DHRS2: variants seen among roughly 807,000 people sequenced by gnomAD.
The protein encoded by DHRS2 is dehydrogenase/reductase 2.
DHRS2 carries 29 observed loss-of-function variants against 26.3 expected under a neutral mutation model. The ratio of observed to expected loss-of-function variants is 1.10; its 90% CI spans 0.82 to 1.50. The LOEUF is 1.50. DHRS2 is among the 40% of genes most tolerant of loss of function. DHRS2 has a pLI of 0.00. For missense variants in DHRS2, 439 were observed against 367.1 expected (o/e 1.20, Z -1.60); for synonymous variants, 164 against 151.3 (o/e 1.08, Z -0.62).
At position 23,645,354 on chromosome 14, in the gene DHRS2, C is replaced by T. The variant is rs758422426; in HGVS notation, c.*101C>T. On this transcript the variant is annotated 3_prime_UTR_variant, in exon 9 of 9. Coordinates refer to ENST00000250383, the MANE Select transcript of DHRS2 (RefSeq NM_005794.4). Reference sequence around the variant, plus strand: ...CTGGAGGCAGAGTCTGCCATTCTGCCAGACTAGCAATTTGGGGGCTTACTC... The same window carrying T: ...CTGGAGGCAGAGTCTGCCATTCTGCTAGACTAGCAATTTGGGGGCTTACTC... 40 of 1,596,834 alleles carry T rather than the reference C, an allele frequency of 2.5e-5. No individual in the cohort carries two copies. In the South Asian group the frequency reaches 3.9e-4, roughly 15 times the overall value.
intron 4 of DHRS2, chr14:23,640,878 G>A (rs935020505): frequency 6.6e-6 from 1 of 152,278 alleles, no homozygotes; most frequent in African/African-American, 2.4e-5. Flanking sequence ...AGGATCATTT[G>A]TGATTTTATA....
intron 1 of DHRS2, among the ~76,000 whole-genome samples, chr14:23,637,391 C>T (rs924972106): frequency 6.6e-6 from 1 of 152,218 alleles, no homozygotes; most frequent in Non-Finnish European, 1.5e-5. Context: ...ATTTTAGAAT[C>T]CCTCCTCAGA....
chr14:23,637,044 G>A (rs752167956), intron 1 of DHRS2, among the ~76,000 whole-genome samples: 5 of 152,106 alleles, frequency 3.3e-5, no homozygotes, highest in East Asian at 3.9e-4. Context: ...ATTCAGCTCC[G>A]GAGTCCCCAC....
At chr14:23,638,762 G>T in intron 1 of DHRS2, 65 bp from the exon 2 acceptor site, 1 of 1,485,628 alleles carries the variant, frequency 6.7e-7, no homozygotes, top group Non-Finnish European at 9.1e-7. Flanking sequence ...GAGGAAGGAG[G>T]AGGGTAGATT....
At chr14:23,643,510 G>T (rs187568715) in intron 5 of DHRS2, 37 of 412,496 alleles carry the variant, frequency 9.0e-5, no homozygotes, top group Non-Finnish European at 1.2e-4. Context: ...GCTGGTCATT[G>T]TCACCTTACC....
At chr14:23,641,914 G>T in intron 4 of DHRS2, 1 of 1,195,632 alleles carries the variant, frequency 8.4e-7, no homozygotes, top group Non-Finnish European at 1.1e-6. Context: ...CCTGAATCAG[G>T]ACAGATCCCT....
At chr14:23,643,722 A>G in intron 5 of DHRS2, 1 of 298,634 alleles carries the variant, frequency 3.3e-6, no homozygotes, top group Admixed American at 4.3e-5. Context: ...CAGTAGAAGG[A>G]AAGTTCCTGA....
At position 23,645,533 on chromosome 14, in the gene DHRS2, A is replaced by G; in HGVS notation, c.*280A>G. The G allele has an allele frequency of 1.9e-6, 1 of 537,936 alleles. No homozygotes were observed. Among genetic ancestry groups the G allele is most frequent in the East Asian group, 3.1e-5 (1 of 32,130 alleles). The allele number at this position is 537,936 out of a possible 1,614,324, so 33.3% of individuals were successfully genotyped here. On this transcript the variant is annotated 3_prime_UTR_variant, in exon 9 of 9. Transcript: ENST00000250383. ...GAGCTGGTGCTTTGGAGGAATCTTA[A>G]GGGAAAGGAGTAGAAGCTCAGGCCT...
chr14:23,631,945 G>C (rs1283582344), upstream of DHRS2, among the ~76,000 whole-genome samples: 1 of 152,226 alleles, frequency 6.6e-6, no homozygotes, highest in Non-Finnish European at 1.5e-5. Context: ...TTGTTTACCT[G>C]CAACAGTCCA....
At chr14:23,637,420 G>A (rs1890374537) in intron 1 of DHRS2, among the ~76,000 whole-genome samples, 1 of 152,104 alleles carries the variant, frequency 6.6e-6, no homozygotes. Flanking sequence ...TCTAACAAAA[G>A]CTATTCCTGA....
chr14:23,637,660 G>A (rs528306759), intron 1 of DHRS2, among the ~76,000 whole-genome samples: 2 of 152,128 alleles, frequency 1.3e-5, no homozygotes, highest in East Asian at 1.9e-4. Flanking sequence ...CACTAAATCC[G>A]ATTTTTCTCG....
At chr14:23,640,339 A>G in intron 4 of DHRS2, 1 of 985,474 alleles carries the variant, frequency 1.0e-6, no homozygotes, top group Non-Finnish European at 1.2e-6. Flanking sequence ...TGTCTCTCCT[A>G]GAAGGGGGCT....
chr14:23,644,914 G>A (rs367704556), intron 8 of DHRS2, 32 bp downstream of exon 8: 2 of 1,611,918 alleles, frequency 1.2e-6, no homozygotes, highest in Non-Finnish European at 1.7e-6. Context: ...GGTGGTCCAT[G>A]TGTGGCTAGG....
intron 3 of DHRS2, 25 bp downstream of exon 3, chr14:23,639,381 C>G: frequency 6.5e-7 from 1 of 1,548,942 alleles, no homozygotes; most frequent in Non-Finnish European, 8.7e-7. Context: ...GGTGGAAGGA[C>G]ACAGAGAGGG....
chr14:23,639,356 G>C lies in DHRS2; in HGVS notation c.318G>C (p.Lys106Asn), dbSNP rs201826965. 1.3e-6 allele frequency: 2 copies of C among 1,564,252 alleles called. No homozygotes were observed. The highest frequency in any genetic ancestry group is 1.7e-6 in the Non-Finnish European group (2 of 1,156,822). Residue 106 changes from lysine to asparagine, a missense_variant and splice_region_variant, in exon 3 of 9, where the codon AAG becomes AAC. By Grantham distance (94) the Lys-to-Asn change is moderately conservative. Transcript: ENST00000250383. The stretch of plus-strand genomic sequence containing the variant: ...AGGACCGGGAGCAGCTGGTGGCCAA[G>C]GTGAGGGGGCAGGCGGTGGAAGGAC... ...KAEDREQLVAKALEHCGGVDF... is the reference protein window; with the variant it reads ...KAEDREQLVANALEHCGGVDF...
intron 1 of DHRS2, 62 bp downstream of exon 1, chr14:23,636,834 G>A (rs934560875): frequency 1.3e-5 from 2 of 152,334 alleles, no homozygotes; most frequent in Middle Eastern, 3.4e-3. Flanking sequence ...GAATTCGGTG[G>A]CTAAATTCTG....
chr14:23,631,148 A>C (rs552801061), intron 1 of DHRS2, among the ~76,000 whole-genome samples: 1 of 152,326 alleles, frequency 6.6e-6, no homozygotes, highest in African/African-American at 2.4e-5. Context: ...ATGTCAAAGA[A>C]ATGCATTTTG....
At chr14:23,644,738 G>A in intron 7 of DHRS2, 89 bp from the exon 8 acceptor site, 1 of 1,523,774 alleles carries the variant, frequency 6.6e-7, no homozygotes, top group Non-Finnish European at 9.1e-7. Flanking sequence ...GGGCAAAGCT[G>A]CCCTAGGTGT....
At chr14:23,640,257 T>C (rs1039143844) in intron 4 of DHRS2, 1 of 992,492 alleles carries the variant, frequency 1.0e-6, no homozygotes, top group Non-Finnish European at 1.2e-6. Context: ...CATTTTTGTA[T>C]GGTACACCCT....
Sources: gnomAD v4.1 joint callset for allele counts (sites outside exome capture counted in the v4.1 genomes callset) on GRCh38, gnomAD v4.1.1 for gene constraint, MANE v1.5 for transcripts, NCBI Gene and HGNC (gene_info 2026-07-23, HGNC 2026-07-21) for gene names.